STK10: variants seen among roughly 807,000 people sequenced by gnomAD.
The protein encoded by STK10 is serine/threonine-protein kinase 10.
STK10 carries 78 observed loss-of-function variants against 113.8 expected under a neutral mutation model. The ratio of observed to expected loss-of-function variants is 0.69; its 90% CI spans 0.57 to 0.83. STK10 has a LOEUF of 0.83. Ranked by LOEUF, STK10 falls within the 40% of genes least tolerant of loss-of-function variation. STK10 has a pLI of 0.00. For missense variants in STK10, 1,109 were observed against 1,280.1 expected (o/e 0.87, Z 2.04); for synonymous variants, 465 against 494.7 (o/e 0.94, Z 0.80).
chr5:172,130,591 G>C (rs1210424766), intron 2 of STK10, among the ~76,000 whole-genome samples: 1 of 151,712 alleles, frequency 6.6e-6, no homozygotes, highest in East Asian at 1.9e-4. Context: ...AACAAGGTCA[G>C]ACACTTCCCG....
At chr5:172,066,949 C>T (rs1212240751) in intron 12 of STK10, among the ~76,000 whole-genome samples, 2 of 152,182 alleles carry the variant, frequency 1.3e-5, no homozygotes, top group Non-Finnish European at 2.9e-5. Context: ...CCACTACCCA[C>T]AGAAGATCAG....
At chr5:172,077,486 A>G (rs1157828088) in intron 12 of STK10, among the ~76,000 whole-genome samples, 2 of 152,242 alleles carry the variant, frequency 1.3e-5, no homozygotes, top group African/African-American at 4.8e-5. Context: ...GGAACTGAGT[A>G]GCAGACCATC....
At chr5:172,071,080 C>A (rs143465295) in intron 12 of STK10, among the ~76,000 whole-genome samples, 1 of 151,062 alleles carries the variant, frequency 6.6e-6, no homozygotes, top group African/African-American at 2.4e-5. Flanking sequence ...TGTGGTGGCA[C>A]GCACCTGTAA....
At chr5:172,106,408 A>AAAAAAAAAAAAG (rs1769108806) in intron 6 of STK10, among the ~76,000 whole-genome samples, 4 of 142,588 alleles carry the variant, frequency 2.8e-5, no homozygotes, top group African/African-American at 1.0e-4. Context: ...TCTCAAAAAA[A>AAAAAAAAAAAAG]AAAAAAAAAA....
intron 3 of STK10, 45 bp from the exon 4 acceptor site, chr5:172,117,675 A>G: frequency 6.2e-7 from 1 of 1,605,750 alleles, no homozygotes; most frequent in Non-Finnish European, 8.5e-7. Flanking sequence ...AGCCCTGGAC[A>G]CAGGAAACTG....
At chr5:172,154,126 T>A (rs1770298694) in intron 2 of STK10, among the ~76,000 whole-genome samples, 1 of 152,194 alleles carries the variant, frequency 6.6e-6, no homozygotes, top group South Asian at 2.1e-4. Context: ...TAAACGAGCA[T>A]CAGAGTCACT....
chr5:172,065,504 C>A (rs942939983), intron 12 of STK10, among the ~76,000 whole-genome samples: 3 of 152,150 alleles, frequency 2.0e-5, no homozygotes, highest in Admixed American at 2.0e-4. Flanking sequence ...GGATTACAGG[C>A]ATGTGCCACC....
chr5:172,056,422 C>A (rs1767758106), intron 15 of STK10, among the ~76,000 whole-genome samples: 1 of 152,138 alleles, frequency 6.6e-6, no homozygotes, highest in African/African-American at 2.4e-5. Flanking sequence ...GGGGCCCTCA[C>A]CAGCTCTGGG....
intron 1 of STK10, among the ~76,000 whole-genome samples, chr5:172,175,316 G>GA (rs1337949346): frequency 1.3e-5 from 2 of 152,042 alleles, no homozygotes; most frequent in Non-Finnish European, 2.9e-5. Flanking sequence ...GGGGAGAAGG[G>GA]AAAAAATGCA....
chr5:172,074,945 CG>C (rs201116109), intron 12 of STK10, among the ~76,000 whole-genome samples: 5,984 of 151,746 alleles, frequency 0.039, 423 homozygotes, highest in African/African-American at 0.14. Flanking sequence ...CTCGAACCCA[CG>C]AGCTGCAGGG....
At chr5:172,068,848 G>A (rs185984052) in intron 12 of STK10, among the ~76,000 whole-genome samples, 54 of 150,654 alleles carry the variant, frequency 3.6e-4, no homozygotes, top group African/African-American at 1.2e-3. Context: ...TCATACCATT[G>A]CACTTCAGCC....
chr5:172,160,707 C>A (rs1215269933), intron 1 of STK10, among the ~76,000 whole-genome samples: 1 of 152,198 alleles, frequency 6.6e-6, no homozygotes, highest in Non-Finnish European at 1.5e-5. Flanking sequence ...TATTCCTGCA[C>A]ATCTAGCACC....
intron 3 of STK10, among the ~76,000 whole-genome samples, chr5:172,121,621 A>G (rs950508422): frequency 1.3e-5 from 2 of 152,078 alleles, no homozygotes; most frequent in Admixed American, 6.6e-5. Context: ...AGCCTGATCA[A>G]CATGGAGAAA....
chr5:172,100,981 T>C (rs775323020), intron 7 of STK10, among the ~76,000 whole-genome samples: 14 of 152,142 alleles, frequency 9.2e-5, no homozygotes, highest in Non-Finnish European at 1.6e-4. Context: ...CCCAGCTCTG[T>C]GGCCTACAGG....
chr5:172,139,023 T>C (rs1030227934), intron 2 of STK10, among the ~76,000 whole-genome samples: 1 of 151,928 alleles, frequency 6.6e-6, no homozygotes, highest in African/African-American at 2.4e-5. Context: ...CAAAATAAAA[T>C]AAAAAATAAA....
chr5:172,131,311 G>A (rs1288541252), intron 2 of STK10, among the ~76,000 whole-genome samples: 1 of 152,162 alleles, frequency 6.6e-6, no homozygotes, highest in Non-Finnish European at 1.5e-5. Flanking sequence ...TGGGATTACA[G>A]GCGTGAGCCC....
chr5:172,149,231 C>A (rs995748097), intron 2 of STK10, among the ~76,000 whole-genome samples: 8 of 152,206 alleles, frequency 5.3e-5, no homozygotes, highest in Admixed American at 1.3e-4. Flanking sequence ...ACAGCCCACC[C>A]GGCACAGGCC....
chr5:172,176,773 T>A (rs78362350), intron 1 of STK10, among the ~76,000 whole-genome samples: 3,634 of 152,304 alleles, frequency 0.024, 143 homozygotes, highest in African/African-American at 0.083. Flanking sequence ...AGTGTCTGTG[T>A]CCCTACAAAA....
At chr5:172,138,841 T>C (rs1336004001) in intron 2 of STK10, among the ~76,000 whole-genome samples, 3 of 151,906 alleles carry the variant, frequency 2.0e-5, no homozygotes, top group African/African-American at 4.8e-5. Context: ...TGAAACCCCG[T>C]CTCTACTAAA....
Sources: allele counts gnomAD v4.1 joint callset (sites outside exome capture counted in the v4.1 genomes callset), GRCh38; gene constraint gnomAD v4.1.1; transcripts MANE v1.5; gene names NCBI Gene and HGNC (gene_info 2026-07-23, HGNC 2026-07-21).